MDGA2: variants seen among roughly 807,000 people sequenced by gnomAD.
The protein encoded by MDGA2 is MAM domain-containing glycosylphosphatidylinositol anchor protein 2.
A neutral mutation model predicts 117.8 loss-of-function variants in MDGA2; 40 were observed. The ratio of observed to expected loss-of-function variants is 0.34; its 90% CI spans 0.26 to 0.44. MDGA2 has a LOEUF of 0.44. Ranked by LOEUF, MDGA2 falls within the 20% of genes least tolerant of loss-of-function variation. MDGA2 has a pLI of 1.00. For synonymous variants in MDGA2, 452 were observed against 439.0 expected (o/e 1.03, Z -0.37); for missense variants, 1,123 against 1,250.6 (o/e 0.90, Z 1.54).
At chr14:47,147,390 C>T (rs1265226974) in intron 3 of MDGA2, among the ~76,000 whole-genome samples, 1 of 152,106 alleles carries the variant, frequency 6.6e-6, no homozygotes, top group Non-Finnish European at 1.5e-5. Flanking sequence ...TAGGACTGAT[C>T]AAGGGGAGGG....
intron 8 of MDGA2, among the ~76,000 whole-genome samples, chr14:47,027,147 C>G (rs533708987): frequency 1.8e-4 from 27 of 151,580 alleles, no homozygotes; most frequent in African/African-American, 6.3e-4. Flanking sequence ...CTGGGCAACA[C>G]AGAGACCCTG....
intron 3 of MDGA2, among the ~76,000 whole-genome samples, chr14:47,204,296 G>A (rs1885608021): frequency 6.6e-6 from 1 of 151,988 alleles, no homozygotes; most frequent in African/African-American, 2.4e-5. Flanking sequence ...AAATTAAGCA[G>A]CAACAATTTA....
chr14:46,997,084 A>C, intron 8 of MDGA2: 1 of 193,680 alleles, frequency 5.2e-6, no homozygotes, highest in African/African-American at 2.3e-5. Flanking sequence ...GCTCCAACAC[A>C]TCTGTAGCCT....
At chr14:47,481,099 C>A (rs779978280) in intron 1 of MDGA2, among the ~76,000 whole-genome samples, 5 of 151,860 alleles carry the variant, frequency 3.3e-5, no homozygotes, top group Admixed American at 1.3e-4. Flanking sequence ...ACAGCAAATA[C>A]GAGTTAACCA....
At chr14:46,914,446 G>T (rs1883825351) in intron 10 of MDGA2, among the ~76,000 whole-genome samples, 1 of 151,970 alleles carries the variant, frequency 6.6e-6, no homozygotes, top group Non-Finnish European at 1.5e-5. Context: ...GAATTTCAGT[G>T]CTTTTTTTCT....
chr14:46,845,067 T>C (rs528107210), intron 16 of MDGA2, among the ~76,000 whole-genome samples: 1 of 152,276 alleles, frequency 6.6e-6, no homozygotes, highest in East Asian at 1.9e-4. Context: ...TATTTTTAAA[T>C]AGAGACGGGG....
At chr14:47,036,017 C>T (rs1483629108) in intron 7 of MDGA2, among the ~76,000 whole-genome samples, 1 of 151,796 alleles carries the variant, frequency 6.6e-6, no homozygotes, top group Non-Finnish European at 1.5e-5. Flanking sequence ...CGCCTGTAAT[C>T]CCAGCACTTT....
chr14:47,632,457 T>G (rs1307825564), intron 1 of MDGA2, among the ~76,000 whole-genome samples: 1 of 152,222 alleles, frequency 6.6e-6, no homozygotes, highest in East Asian at 1.9e-4. Flanking sequence ...GTTTTGTTCA[T>G]TCCCTCTACT....
At chr14:46,952,347 G>T (rs1433617460) in intron 9 of MDGA2, among the ~76,000 whole-genome samples, 1 of 151,902 alleles carries the variant, frequency 6.6e-6, no homozygotes, top group African/African-American at 2.4e-5. Context: ...AGTAGTCAGG[G>T]TTATAAGATG....
At position 47,144,272 on chromosome 14, in the gene MDGA2, A is replaced by C; in HGVS notation, c.598T>G (p.Leu200Val). 1.9e-6 allele frequency: 3 copies of C among 1,545,862 alleles called. No individual in the cohort carries two copies. Among genetic ancestry groups the C allele is most frequent in the Non-Finnish European group, 2.6e-6 (3 of 1,144,032 alleles). Residue 200 changes from leucine to valine, a missense_variant and splice_region_variant, in exon 4 of 17, where the codon TTG becomes GTG. Leu to Val is a conservative substitution (Grantham distance 32). Transcript: ENST00000399232. The part of the protein sequence containing the change: ...IKSIRVDVYY[L>V]DDPVVTVHQS... Reference sequence around the variant, plus strand: ...TGAACAGTTACTACTGGATCATCCAAATCTAAAGGAAATAAAAACAACCAA... The same window carrying C: ...TGAACAGTTACTACTGGATCATCCACATCTAAAGGAAATAAAAACAACCAA...
At chr14:47,189,437 T>A (rs182666788) in intron 3 of MDGA2, among the ~76,000 whole-genome samples, 1 of 152,252 alleles carries the variant, frequency 6.6e-6, no homozygotes, top group Non-Finnish European at 1.5e-5. Context: ...TAAGTACCTC[T>A]GCTTAAGAAT....
At chr14:47,412,800 A>G (rs929772969) in intron 1 of MDGA2, among the ~76,000 whole-genome samples, 3 of 152,206 alleles carry the variant, frequency 2.0e-5, no homozygotes, top group African/African-American at 7.2e-5. Context: ...CACAAACCAC[A>G]TGTTGCCCAT....
chr14:47,128,845 C>A, intron 5 of MDGA2, among the ~76,000 whole-genome samples: 1 of 151,904 alleles, frequency 6.6e-6, no homozygotes, highest in Non-Finnish European at 1.5e-5. Flanking sequence ...CAGTCGCCTG[C>A]CACCATGCCC....
At chr14:47,424,540 G>C (rs1353631448) in intron 1 of MDGA2, among the ~76,000 whole-genome samples, 3 of 152,064 alleles carry the variant, frequency 2.0e-5, no homozygotes, top group African/African-American at 7.2e-5. Context: ...ATACTCATTT[G>C]TATATTAGAA....
chr14:46,984,068 T>C (rs1475907473), intron 8 of MDGA2, among the ~76,000 whole-genome samples: 1 of 152,050 alleles, frequency 6.6e-6, no homozygotes, highest in African/African-American at 2.4e-5. Context: ...ATATTTTACA[T>C]GATTCCACTG....
chr14:47,312,677 G>GTT (rs202227321), intron 1 of MDGA2, among the ~76,000 whole-genome samples: 3 of 126,760 alleles, frequency 2.4e-5, no homozygotes, highest in Admixed American at 7.9e-5. Flanking sequence ...CTAGTTTTTA[G>GTT]TTTTTTTTTT....
intron 1 of MDGA2, among the ~76,000 whole-genome samples, chr14:47,540,959 A>G (rs1303765807): frequency 6.6e-6 from 1 of 152,162 alleles, no homozygotes; most frequent in East Asian, 1.9e-4. Flanking sequence ...TCACTATATT[A>G]TATTTTATGT....
intron 16 of MDGA2, 46 bp downstream of exon 16, chr14:46,845,720 G>C: frequency 8.8e-7 from 1 of 1,141,094 alleles, no homozygotes; most frequent in Non-Finnish European, 1.3e-6. Context: ...TAATAGTAAT[G>C]TTACTTTAAC....
chr14:47,010,358 TA>T (rs981709243), intron 8 of MDGA2, among the ~76,000 whole-genome samples: 5 of 150,848 alleles, frequency 3.3e-5, no homozygotes, highest in East Asian at 1.9e-4. Flanking sequence ...AAAATAGATA[TA>T]AAAAAATAAC....
Sources: gnomAD v4.1 joint callset for allele counts (sites outside exome capture counted in the v4.1 genomes callset) on GRCh38, gnomAD v4.1.1 for gene constraint, MANE v1.5 for transcripts, NCBI Gene and HGNC (gene_info 2026-07-23, HGNC 2026-07-21) for gene names.